NKAIN2: variants seen among roughly 807,000 people sequenced by gnomAD.
NKAIN2 encodes sodium/potassium transporting ATPase interacting 2.
Under a neutral mutation model 32.6 loss-of-function variants are expected in NKAIN2, and 14 were observed. The observed-to-expected ratio is 0.43, with a 90% CI of 0.28 to 0.67. The LOEUF (loss-of-function observed/expected upper bound fraction) is 0.67, where lower values mean the gene tolerates loss of function less well. Among genes scored for constraint, NKAIN2 ranks in the 30% least tolerant of loss-of-function variants. The pLI is 0.17. For missense variants in NKAIN2, 198 were observed against 258.3 expected, an observed-to-expected ratio of 0.77 and a Z score of 1.60; for synonymous variants, 80 against 87.2, an observed-to-expected ratio of 0.92 and a Z score of 0.46.
intron 3 of NKAIN2, among the ~76,000 whole-genome samples, chr6:124,407,180 AT>A (rs1330241406): frequency 6.6e-6 from 1 of 151,950 alleles, no homozygotes; most frequent in East Asian, 1.9e-4. Flanking sequence ...TAGGTTTATG[AT>A]TTATTCTGAG....
At chr6:124,120,937 A>C (rs1785849724) in intron 1 of NKAIN2, among the ~76,000 whole-genome samples, 2 of 152,158 alleles carry the variant, frequency 1.3e-5, no homozygotes, top group Admixed American at 1.3e-4. Context: ...TTTCTAAAGA[A>C]ACTGATACTC....
chr6:124,254,439 TG>T (rs1018305294), intron 1 of NKAIN2, among the ~76,000 whole-genome samples: 3 of 152,346 alleles, frequency 2.0e-5, no homozygotes, highest in African/African-American at 7.2e-5. Context: ...TTGCTTTTTG[TG>T]GTGGGAGGCA....
intron 1 of NKAIN2, among the ~76,000 whole-genome samples, chr6:123,943,253 A>G (rs1203449642): frequency 6.6e-6 from 1 of 152,092 alleles, no homozygotes; most frequent in East Asian, 1.9e-4. Context: ...TAAGGTGCTT[A>G]TCACCTATTA....
chr6:124,317,743 T>A (rs1797022325), intron 2 of NKAIN2, among the ~76,000 whole-genome samples: 1 of 152,082 alleles, frequency 6.6e-6, no homozygotes, highest in Admixed American at 6.6e-5. Flanking sequence ...GAGCAAAATA[T>A]TCTTTCATTT....
intron 1 of NKAIN2, among the ~76,000 whole-genome samples, chr6:123,949,118 A>G (rs1777210477): frequency 6.6e-6 from 1 of 151,984 alleles, no homozygotes; most frequent in Non-Finnish European, 1.5e-5. Context: ...CCATTGGTCT[A>G]TATGCCTGTT....
At chr6:123,891,216 G>T (rs535340709) in intron 1 of NKAIN2, among the ~76,000 whole-genome samples, 2 of 152,206 alleles carry the variant, frequency 1.3e-5, no homozygotes, top group African/African-American at 4.8e-5. Context: ...GTTGTTTAAT[G>T]GGTACAGAGT....
intron 3 of NKAIN2, among the ~76,000 whole-genome samples, chr6:124,526,009 T>A (rs1779297239): frequency 6.6e-6 from 1 of 152,122 alleles, no homozygotes; most frequent in Non-Finnish European, 1.5e-5. Flanking sequence ...AAATGTATAT[T>A]GATGATGAGA....
chr6:124,453,322 AACACACACACACACACACACACACACAC>A (rs766482280), intron 3 of NKAIN2, among the ~76,000 whole-genome samples: 1 of 63,876 alleles, frequency 1.6e-5, no homozygotes, highest in Non-Finnish European at 3.4e-5. Context: ...CATGCATATA[AACACACACACACACACACACACACACAC>A]ACACACACAC....
intron 1 of NKAIN2, among the ~76,000 whole-genome samples, chr6:123,879,874 C>G (rs1773369717): frequency 6.6e-6 from 1 of 152,148 alleles, no homozygotes. Context: ...GCCCTTATGA[C>G]TCTTGTCTGA....
intron 1 of NKAIN2, among the ~76,000 whole-genome samples, chr6:123,987,096 T>C (rs1332600051): frequency 3.9e-5 from 6 of 152,204 alleles, no homozygotes; most frequent in Admixed American, 3.9e-4. Context: ...AATGAGGTGA[T>C]ATTTATATAA....
intron 4 of NKAIN2, among the ~76,000 whole-genome samples, chr6:124,775,111 C>G (rs1044157626): frequency 2.6e-5 from 4 of 152,100 alleles, no homozygotes; most frequent in Non-Finnish European, 5.9e-5. Flanking sequence ...TCAAATAATT[C>G]AAGCATATTT....
chr6:124,060,301 C>T (rs1421706327), intron 1 of NKAIN2, among the ~76,000 whole-genome samples: 2 of 152,134 alleles, frequency 1.3e-5, no homozygotes, highest in African/African-American at 4.8e-5. Flanking sequence ...ACTCTCAGAG[C>T]ACGTGTAAAC....
intron 3 of NKAIN2, among the ~76,000 whole-genome samples, chr6:124,478,975 T>C (rs1000999669): frequency 1.3e-5 from 2 of 152,146 alleles, no homozygotes; most frequent in Admixed American, 1.3e-4. Context: ...TATGATGTGA[T>C]AAGAATAGCA....
intron 2 of NKAIN2, among the ~76,000 whole-genome samples, chr6:124,293,094 A>C (rs1795892249): frequency 6.6e-6 from 1 of 152,134 alleles, no homozygotes; most frequent in Non-Finnish European, 1.5e-5. Context: ...CAGTCTGCTT[A>C]CTGTGTTATA....
chr6:124,413,847 A>G (rs1774336346), intron 3 of NKAIN2, among the ~76,000 whole-genome samples: 1 of 152,162 alleles, frequency 6.6e-6, no homozygotes, highest in Non-Finnish European at 1.5e-5. Context: ...TTGCTAATAT[A>G]TAGTAATTCA....
At chr6:123,980,311 G>A (rs1198710124) in intron 1 of NKAIN2, among the ~76,000 whole-genome samples, 1 of 152,120 alleles carries the variant, frequency 6.6e-6, no homozygotes, top group Non-Finnish European at 1.5e-5. Context: ...AGATATGGAA[G>A]GGACATTCTG....
chr6:124,436,460 A>G lies in NKAIN2; in HGVS notation c.273+81113A>G, dbSNP rs1211469546. Among the ~76,000 whole-genome samples, 3 of 152,190 alleles carry G rather than the reference A, an allele frequency of 2.0e-5. No homozygotes were observed. In the East Asian group the frequency reaches 5.8e-4, roughly 29 times the overall value. ...ATGAACTTAAGAACTGATCTAATTC[A>G]TAATATCAATAAGTGAGAATAAAAA... On this transcript the variant is annotated intron_variant, in intron 3 of 6. Coordinates refer to ENST00000368417, the MANE Select transcript of NKAIN2 (RefSeq NM_001040214.3).
At chr6:123,812,267 G>A (rs1003432648) in intron 1 of NKAIN2, among the ~76,000 whole-genome samples, 3 of 152,132 alleles carry the variant, frequency 2.0e-5, no homozygotes, top group Admixed American at 2.0e-4. Flanking sequence ...GGCTAATGAT[G>A]CAGTCTACAA....
At chr6:124,426,932 T>G (rs1011796665) in intron 3 of NKAIN2, among the ~76,000 whole-genome samples, 1 of 152,164 alleles carries the variant, frequency 6.6e-6, no homozygotes, top group Non-Finnish European at 1.5e-5. Context: ...CCACCATGAT[T>G]ATGAGGCCTC....
Sources: gnomAD v4.1 joint callset for allele counts (sites outside exome capture counted in the v4.1 genomes callset) on GRCh38, gnomAD v4.1.1 for gene constraint, MANE v1.5 for transcripts, NCBI Gene and HGNC (gene_info 2026-07-23, HGNC 2026-07-21) for gene names.